Variants in POMZP3 observed in about 807,000 individuals in gnomAD.
POMZP3 encodes POM121 and ZP3 fusion protein.
Under a neutral mutation model 19.8 loss-of-function variants are expected in POMZP3, and 10 were observed. The ratio of observed to expected loss-of-function variants is 0.51; its 90% CI spans 0.31 to 0.86. The LOEUF (loss-of-function observed/expected upper bound fraction) is 0.86, where lower values mean the gene tolerates loss of function less well. POMZP3 is among the 40% of genes least tolerant of loss of function. POMZP3 has a pLI of 0.04. For missense variants in POMZP3, 152 were observed against 228.1 expected (o/e 0.67, Z 2.15); for synonymous variants, 57 against 85.8 (o/e 0.66, Z 1.85).
intron 3 of POMZP3, 151 bp downstream of exon 3, chr7:76,625,371 T>C: frequency 2.4e-6 from 3 of 1,248,354 alleles, no homozygotes; most frequent in South Asian, 1.4e-5. Context: ...TTAAAACCCC[T>C]GTTATTAGGT....
chr7:76,623,290 T>C (rs1321828362), intron 3 of POMZP3, among the ~76,000 whole-genome samples: 1 of 151,922 alleles, frequency 6.6e-6, no homozygotes, highest in Non-Finnish European at 1.5e-5. Flanking sequence ...AAATCCTATC[T>C]ATAGGAACAA....
chr7:76,625,387 C>T, intron 3 of POMZP3, 135 bp downstream of exon 3: 6 of 1,433,414 alleles, frequency 4.2e-6, no homozygotes, highest in Non-Finnish European at 5.8e-6. Flanking sequence ...TAGGTTCTTT[C>T]ATGAAAGCCA....
In POMZP3 at chr7:76,627,269, G is replaced by C. The variant is rs912344285; in HGVS notation, c.-713C>G. On this transcript the variant is annotated 5_prime_UTR_variant, in exon 1 of 7. Transcript: ENST00000310842. The stretch of plus-strand genomic sequence containing the variant: ...CGGAGACATCGCGGCTCCGCGCCGC[G>C]GAGGAGACTTAAATATCCCAGCGTG... 36 of 1,350,194 alleles carry C rather than the reference G, an allele frequency of 2.7e-5. 2 individuals carry two copies. The African/African-American group carries it at 5.1e-4, about 19-fold the overall frequency. The allele number at this position is 1,350,194 out of a possible 1,614,324, so 83.6% of individuals were successfully genotyped here.
intron 4 of POMZP3, among the ~76,000 whole-genome samples, chr7:76,616,018 T>C (rs1584343121): frequency 1.3e-5 from 1 of 79,142 alleles, no homozygotes; most frequent in African/African-American, 5.8e-5. Flanking sequence ...CACGTGGTGG[T>C]TCATGCCTAT....
chr7:76,621,930 T>A (rs1815584182), intron 3 of POMZP3, among the ~76,000 whole-genome samples: 1 of 77,754 alleles, frequency 1.3e-5, no homozygotes, highest in South Asian at 4.3e-4. Flanking sequence ...ACAGCAAGAC[T>A]CCGTTTCAAA....
chr7:76,626,076 G>T lies in POMZP3; in HGVS notation c.-12C>A, dbSNP rs770930434. 6.2e-7 allele frequency: 1 copy of T among 1,613,686 alleles called. No homozygotes were observed. Among genetic ancestry groups the T allele is most frequent in the Non-Finnish European group, 8.5e-7 (1 of 1,179,756 alleles). ...GGGCTACACACCATCCTGGAGTTGCGAGGGGACAGCACAGCCTTCTTGTGA... is the reference window on the plus strand; with the variant it reads ...GGGCTACACACCATCCTGGAGTTGCTAGGGGACAGCACAGCCTTCTTGTGA... On this transcript the variant is annotated 5_prime_UTR_variant, in exon 2 of 7. Transcript: ENST00000310842.
At chr7:76,625,007 C>A (rs1443012294) in intron 3 of POMZP3, among the ~76,000 whole-genome samples, 1 of 151,378 alleles carries the variant, frequency 6.6e-6, no homozygotes, top group African/African-American at 2.4e-5. Flanking sequence ...GTGGCGGGCG[C>A]CTGTAGTCCC....
chr7:76,613,507 CT>C (rs1193493149), intron 4 of POMZP3, among the ~76,000 whole-genome samples: 1,963 of 67,320 alleles, frequency 0.029, 188 homozygotes, highest in African/African-American at 0.13. Flanking sequence ...CCCCCCTACC[CT>C]TTTTTTTTTT....
At chr7:76,620,860 C>CTTTTT (rs752303123) in intron 3 of POMZP3, among the ~76,000 whole-genome samples, 2,486 of 99,694 alleles carry the variant, frequency 0.025, 104 homozygotes, top group Non-Finnish European at 0.037. Flanking sequence ...GCTGTAAAGC[C>CTTTTT]ATTTTTTTTT....
At chr7:76,625,407 G>A (rs1055087489) in intron 3 of POMZP3, 115 bp downstream of exon 3, 1 of 1,530,480 alleles carries the variant, frequency 6.5e-7, no homozygotes. Context: ...AAAGAAGGAG[G>A]CCTATGAAGG....
At chr7:76,610,260 C>T in intron 6 of POMZP3, 45 bp from the exon 7 acceptor site, 1 of 1,613,776 alleles carries the variant, frequency 6.2e-7, no homozygotes, top group Non-Finnish European at 8.5e-7. Context: ...TAGTCCCTAA[C>T]CGGGAACTGG....
chr7:76,626,826 G>A lies in POMZP3; in HGVS notation c.-270C>T. ...GAGCGCGGCGCCGGGCGGGCGGGCG[G>A]CGGCCAGGCCTATTCCGCAGGTCCT... On this transcript the variant is annotated 5_prime_UTR_variant, in exon 1 of 7. Coordinates refer to ENST00000310842, the MANE Select transcript of POMZP3 (RefSeq NM_012230.5). 3 of 1,364,466 alleles carry A rather than the reference G, an allele frequency of 2.2e-6. No individual in the cohort carries two copies. The highest frequency in any genetic ancestry group is 2.8e-6 in the Non-Finnish European group (3 of 1,059,302). 84.5% of individuals were successfully genotyped at this position (1,364,466 alleles called of 1,614,324 possible).
At chr7:76,626,302 T>G in intron 1 of POMZP3, 87 bp from the exon 2 acceptor site, 4 of 1,282,006 alleles carry the variant, frequency 3.1e-6, no homozygotes, top group Non-Finnish European at 4.3e-6. Context: ...AGTTAAGACA[T>G]TTTCCAAAGA....
chr7:76,622,922 A>G (rs965030527), intron 3 of POMZP3, among the ~76,000 whole-genome samples: 4 of 150,148 alleles, frequency 2.7e-5, no homozygotes, highest in African/African-American at 9.9e-5. Flanking sequence ...CCCTGGCGAG[A>G]GTGCAGTAGC....
chr7:76,614,858 C>CAAAA, intron 4 of POMZP3, among the ~76,000 whole-genome samples: 2 of 32,040 alleles, frequency 6.2e-5, no homozygotes, highest in South Asian at 2.7e-3. Flanking sequence ...AGACTCTGTC[C>CAAAA]AAAAAAAAAA....
chr7:76,614,803 T>C (rs1318501502), intron 4 of POMZP3, among the ~76,000 whole-genome samples: 2 of 77,092 alleles, frequency 2.6e-5, no homozygotes, highest in Non-Finnish European at 5.0e-5. Flanking sequence ...GAGGTTGCAG[T>C]GAACCGAGAT....
intron 3 of POMZP3, among the ~76,000 whole-genome samples, chr7:76,619,203 C>T (rs1217371790): frequency 2.6e-5 from 4 of 151,744 alleles, no homozygotes; most frequent in Non-Finnish European, 5.9e-5. Context: ...GTTTGGCCAA[C>T]ATGGGGAAAC....
At position 76,611,714 on chromosome 7, in the gene POMZP3, G is replaced by GAAT. The variant is rs1815117488; in HGVS notation, c.437+7_437+8insATT. ...TTTCTACTCCAGTCACGGAGCACCTGTCCTCACCTGTTGGAAGGCTTGCTG... is the reference window on the plus strand; with the variant it reads ...TTTCTACTCCAGTCACGGAGCACCTGAATTCCTCACCTGTTGGAAGGCTTGCTG... On this transcript the variant is annotated splice_region_variant and intron_variant, in intron 5 of 6. Transcript: ENST00000310842. The GAAT allele has an allele frequency of 7.6e-7, 1 of 1,310,402 alleles. No homozygotes were observed. The highest frequency in any genetic ancestry group is 2.1e-5 in the Admixed American group (1 of 48,058). The allele number at this position is 1,310,402 out of a possible 1,614,324, so 81.2% of individuals were successfully genotyped here.
intron 3 of POMZP3, among the ~76,000 whole-genome samples, chr7:76,619,684 T>C (rs1636621): frequency 0.55 from 74,972 of 136,358 alleles, 20,823 homozygotes; most frequent in Middle Eastern, 0.7. Flanking sequence ...ATGAATGACG[T>C]GGCCCAAGAA....
Sources: allele counts gnomAD v4.1 joint callset (sites outside exome capture counted in the v4.1 genomes callset), GRCh38; gene constraint gnomAD v4.1.1; transcripts MANE v1.5; gene names NCBI Gene and HGNC (gene_info 2026-07-23, HGNC 2026-07-21).